Variants in LCN1 observed in about 807,000 individuals in gnomAD.
The protein encoded by LCN1 is lipocalin-1.
A neutral mutation model predicts 22.3 loss-of-function variants in LCN1; 25 were observed. The observed-to-expected ratio is 1.12, with a 90% CI of 0.82 to 1.56. The LOEUF is 1.56. Ranked by LOEUF, LCN1 falls within the 40% of genes most tolerant of loss-of-function variation. The pLI is 0.00. For missense variants in LCN1, 219 were observed against 235.6 expected (o/e 0.93, Z 0.46); for synonymous variants, 85 against 97.6 (o/e 0.87, Z 0.76).
chr9:135,522,238 A>G (rs1198309694), intron 2 of LCN1, 61 bp downstream of exon 2: 1 of 1,552,670 alleles, frequency 6.4e-7, no homozygotes, highest in South Asian at 1.2e-5. Context: ...CCCTTTCCCC[A>G]CCCAGGAGAG....
chr9:135,524,767 G>A (rs1271184970), intron 4 of LCN1, 63 bp from the exon 5 acceptor site: 7 of 1,324,472 alleles, frequency 5.3e-6, no homozygotes, highest in Non-Finnish European at 7.3e-6. Context: ...CCTCCAGACT[G>A]GGATGGGGTG....
chr9:135,524,060 C>G, intron 4 of LCN1, 70 bp downstream of exon 4: 1 of 1,170,520 alleles, frequency 8.5e-7, no homozygotes, highest in Non-Finnish European at 1.3e-6. Context: ...GCCTCCTGCA[C>G]CCTCTTCCCC....
chr9:135,522,430 C>T (rs73560965), intron 2 of LCN1, among the ~76,000 whole-genome samples: 27,613 of 152,258 alleles, frequency 0.18, 2,906 homozygotes, highest in African/African-American at 0.29. Flanking sequence ...CTTCCTCCTC[C>T]GACTAGGGAA....
rs756346324 is a variant in LCN1, at chr9:135,524,827, C to T, written c.404-3C>T. 1.9e-6 allele frequency: 3 copies of T among 1,598,122 alleles called. No individual in the cohort carries two copies. The highest frequency in any genetic ancestry group is 1.7e-5 in the Admixed American group (1 of 57,924). The stretch of plus-strand genomic sequence containing the variant: ...CACCCACATCTCGTCCTGGCACCCA[C>T]AGGCAGAGACCCCAAGAACAACCTG... On this transcript the variant is annotated splice_polypyrimidine_tract_variant and splice_region_variant and intron_variant, in intron 4 of 6. Coordinates refer to ENST00000371781, the MANE Select transcript of LCN1 (RefSeq NM_002297.4).
In LCN1 at chr9:135,523,986, C is replaced by G. The variant is rs746841584; in HGVS notation, c.399C>G (p.Leu133=). The G allele has an allele frequency of 6.2e-7, 1 of 1,612,954 alleles. No individual in the cohort carries two copies. Among genetic ancestry groups the G allele is most frequent in the Admixed American group, 1.7e-5 (1 of 59,982 alleles). ...GGAAGCCGGTCCGAGGGGTGAAGCTCGTGGGTGGGTCCCGCACCCTCACCC... is the reference window on the plus strand; with the variant it reads ...GGAAGCCGGTCCGAGGGGTGAAGCTGGTGGGTGGGTCCCGCACCCTCACCC... ...LHGKPVRGVK[L]VGRDPKNNLE... is the part of the protein sequence containing the mutation. The change falls in exon 4 of 7, where the codon CTC becomes CTG. Residue 133 remains leucine, a synonymous_variant. Transcript: ENST00000371781.
intron 4 of LCN1, among the ~76,000 whole-genome samples, chr9:135,524,356 A>G (rs1216193431): frequency 4.6e-5 from 7 of 152,174 alleles, no homozygotes; most frequent in African/African-American, 1.4e-4. Context: ...ATGTGAGCAG[A>G]AGTCTGCATG....
rs1205429065 is a variant in LCN1 at position 135,526,416 on chromosome 9, T to C, written c.*74T>C. ...AGCACCTCCGTCATTCACAGGGACA[T>C]GGAAAAAGCTCCCCACCCCTGCAGA... On this transcript the variant is annotated 3_prime_UTR_variant, in exon 7 of 7. Transcript: ENST00000371781. The C allele has an allele frequency of 7.8e-7, 1 of 1,283,886 alleles. No individual in the cohort carries two copies. The highest frequency in any genetic ancestry group is 1.0e-6 in the Non-Finnish European group (1 of 986,912). The allele number at this position is 1,283,886 out of a possible 1,614,324, so 79.5% of individuals were successfully genotyped here. A position where few individuals can be genotyped will look rare whatever the true frequency, so the allele number is the denominator to read the frequency against.
intron 2 of LCN1, among the ~76,000 whole-genome samples, 184 bp from the exon 3 acceptor site, chr9:135,523,048 G>A (rs952769845): frequency 3.8e-4 from 58 of 152,202 alleles, no homozygotes; most frequent in Admixed American, 1.0e-3. Flanking sequence ...GGGAGACCCC[G>A]GGAACTGCCG....
At chr9:135,523,193 A>G (rs1340650845) in intron 2 of LCN1, 39 bp from the exon 3 acceptor site, 2 of 1,591,558 alleles carry the variant, frequency 1.3e-6, no homozygotes, top group Non-Finnish European at 1.7e-6. Context: ...GGGGAGGCAC[A>G]GGCCAGGGCC....
At chr9:135,522,945 C>A (rs1176768959) in intron 2 of LCN1, among the ~76,000 whole-genome samples, 2 of 151,564 alleles carry the variant, frequency 1.3e-5, no homozygotes, top group Non-Finnish European at 2.9e-5. Flanking sequence ...GCAAACCAGG[C>A]AGCCTGGGTG....
chr9:135,525,076 C>T (rs1220485858), intron 5 of LCN1, 56 bp from the exon 6 acceptor site: 51 of 1,602,068 alleles, frequency 3.2e-5, no homozygotes, highest in Non-Finnish European at 6.0e-6. Flanking sequence ...ATGAGGGGCC[C>T]CGGTCCTGAC....
At chr9:135,523,174 C>T (rs774239437) in intron 2 of LCN1, 58 bp from the exon 3 acceptor site, 234 of 1,526,212 alleles carry the variant, frequency 1.5e-4, no homozygotes, top group Non-Finnish European at 2.0e-4. Context: ...CATGGTTGCT[C>T]CAGGGCCGGG....
At position 135,526,407 on chromosome 9, in the gene LCN1, A is replaced by G. The variant is rs1223634895; in HGVS notation, c.*65A>G. 2 of 1,281,728 alleles carry G rather than the reference A, an allele frequency of 1.6e-6. No homozygotes were observed. The highest frequency in any genetic ancestry group is 2.5e-5 in the South Asian group (2 of 80,446). The allele number at this position is 1,281,728 out of a possible 1,614,324, so 79.4% of individuals were successfully genotyped here. On this transcript the variant is annotated 3_prime_UTR_variant, in exon 7 of 7. Coordinates refer to ENST00000371781, the MANE Select transcript of LCN1 (RefSeq NM_002297.4). ...GCACCATCCAGCACCTCCGTCATTC[A>G]CAGGGACATGGAAAAAGCTCCCCAC...
Position 135,522,308 on chromosome 9 carries a change from T to C in LCN1, c.221+131T>C, listed in dbSNP as rs111385730. 7.2e-3 allele frequency: 9,827 copies of C among 1,368,190 alleles called. 583 individuals are homozygous for C. In the African/African-American group the frequency reaches 0.13, roughly 18 times the overall value. 84.8% of individuals were successfully genotyped at this position (1,368,190 alleles called of 1,614,324 possible). A position where few individuals can be genotyped will look rare whatever the true frequency, so the allele number is the denominator to read the frequency against. On this transcript the variant is annotated intron_variant, in intron 2 of 6. Transcript: ENST00000371781. ...AGGCCTCTCTCGGCCCCTCCTGCAA[T>C]GCTTGAGGGCAAACTGTGCCACTGA...
chr9:135,523,703 T>TG (rs1226611773), intron 3 of LCN1, among the ~76,000 whole-genome samples, 177 bp from the exon 4 acceptor site: 1 of 152,026 alleles, frequency 6.6e-6, no homozygotes, highest in Non-Finnish European at 1.5e-5. Flanking sequence ...TCCTGGGAAG[T>TG]GGGGGTCCCA....
At position 135,522,851 on chromosome 9, in the gene LCN1, A is replaced by G. The variant is rs187188994; in HGVS notation, c.222-381A>G. ...CCCTCTCTGGGCCAGATGATGATGG[A>G]TATGGGGCTTGTGCCTGAATGTCTC... On this transcript the variant is annotated intron_variant, in intron 2 of 6. Coordinates refer to ENST00000371781, the MANE Select transcript of LCN1 (RefSeq NM_002297.4). Among the ~76,000 whole-genome samples the G allele has an allele frequency of 2.5e-3, 377 of 152,192 alleles. 1 individual carries two copies. The highest frequency in any genetic ancestry group is 0.01 in the Middle Eastern group (3 of 294).
rs1564229751 is a variant in LCN1 at position 135,523,881 on chromosome 9, CG to C, written c.299del (p.Gly100AlafsTer12). On this transcript the variant is annotated frameshift_variant and splice_region_variant, in exon 4 of 7. Coordinates refer to ENST00000371781, the MANE Select transcript of LCN1 (RefSeq NM_002297.4). LOFTEE classifies it high-confidence loss of function. ...TDEPGKYTAD[G>X]GKHVAYIIRS... ...GAATGTGCTGCTGTCTTTCTGCAGACGGGGGCAAGCACGTGGCATACATCAT... is the reference window on the plus strand; with the variant it reads ...GAATGTGCTGCTGTCTTTCTGCAGACGGGGCAAGCACGTGGCATACATCAT... 3.1e-6 allele frequency: 5 copies of C among 1,613,404 alleles called. No individual in the cohort carries two copies. The highest frequency in any genetic ancestry group is 1.3e-5 in the African/African-American group (1 of 74,878).
rs117638349 is a variant in LCN1 at position 135,523,885 on chromosome 9, G to T, written c.298G>T (p.Gly100Cys). Residue 100 changes from glycine (G) to cysteine (C), a missense_variant, in exon 4 of 7, where the codon GGC becomes TGC. Coordinates refer to ENST00000371781, the MANE Select transcript of LCN1 (RefSeq NM_002297.4). ...DEPGKYTADG[G>C]KHVAYIIRSH... Reference sequence around the variant, plus strand: ...GTGCTGCTGTCTTTCTGCAGACGGGGGCAAGCACGTGGCATACATCATCAG... The same window carrying T: ...GTGCTGCTGTCTTTCTGCAGACGGGTGCAAGCACGTGGCATACATCATCAG... 3.7e-6 allele frequency: 6 copies of T among 1,613,818 alleles called. No individual in the cohort carries two copies. The highest frequency in any genetic ancestry group is 5.1e-6 in the Non-Finnish European group (6 of 1,179,764).
At chr9:135,523,849 A>G in intron 3 of LCN1, 31 bp from the exon 4 acceptor site, 1 of 1,587,416 alleles carries the variant, frequency 6.3e-7, no homozygotes, top group South Asian at 1.1e-5. Flanking sequence ...CCTGGTGGCT[A>G]ATTCAGGAAT....
Sources: allele counts gnomAD v4.1 joint callset (sites outside exome capture counted in the v4.1 genomes callset), GRCh38; gene constraint gnomAD v4.1.1; transcripts MANE v1.5; gene names NCBI Gene and HGNC (gene_info 2026-07-23, HGNC 2026-07-21).